The following RAI1 variants were observed in gnomAD, a reference collection of about 807,000 sequenced individuals.
RAI1 encodes retinoic acid induced 1.
RAI1 carries 9 observed loss-of-function variants against 123.8 expected under a neutral mutation model. The observed-to-expected ratio is 0.07, with a 90% confidence interval of 0.04 to 0.13. The LOEUF (loss-of-function observed/expected upper bound fraction) is 0.13. Ranked by LOEUF, RAI1 falls within the 10% of genes least tolerant of loss-of-function variation. The pLI, the probability that RAI1 is intolerant of heterozygous loss-of-function variation, is 1.00. For missense variants in RAI1, 2,256 were observed against 2,545.8 expected, an observed-to-expected ratio of 0.89 and a Z score of 2.45; for synonymous variants, 1,231 against 1,127.3, an observed-to-expected ratio of 1.09 and a Z score of -1.84.
At chr17:17,742,765 T>C (rs905227542) in intron 2 of RAI1, among the ~76,000 whole-genome samples, 1 of 152,138 alleles carries the variant, frequency 6.6e-6, no homozygotes, top group African/African-American at 2.4e-5. Context: ...CTGCATTTCT[T>C]ATCTGGTTTG....
rs145704270 is a variant in RAI1 at position 17,796,372 on chromosome 17, C to T, written c.3424C>T (p.Arg1142Cys). The T allele has an allele frequency of 2.5e-6, 4 of 1,613,572 alleles. No homozygotes were observed. The highest frequency in any genetic ancestry group is 2.7e-5 in the African/African-American group (2 of 74,942). ...ACCCAGCACGCCTGGCAAGGACCAG[C>T]GCTCCATGATCCTTCGGTCACGCAC... ...DSPSTPGKDQRSMILRSRTKT... is the reference protein window; with the variant it reads ...DSPSTPGKDQCSMILRSRTKT... Residue 1142 changes from arginine (R) to cysteine (C), a missense_variant, in exon 3 of 6, where the codon CGC becomes TGC. Arg to Cys is a radical substitution (Grantham distance 180). Transcript: ENST00000353383. This position sits in a 1 kb window ranked among gnomAD's most constrained non-coding sequence, Gnocchi z 5.8.
chr17:17,725,813 C>T (rs1916069736), intron 2 of RAI1, among the ~76,000 whole-genome samples: 1 of 152,046 alleles, frequency 6.6e-6, no homozygotes, highest in South Asian at 2.1e-4. Flanking sequence ...AATTCCTCTC[C>T]CTACTTAAAA....
At position 17,794,715 on chromosome 17, in the gene RAI1, G is replaced by T; in HGVS notation, c.1767G>T (p.Ala589=). Reference sequence around the variant, plus strand: ...TCGACAGCTTCTCCAAGTTCGTGGCGGGTGAGCGGGACTGTCCGCGGCTGC... The same window carrying T: ...TCGACAGCTTCTCCAAGTTCGTGGCTGGTGAGCGGGACTGTCCGCGGCTGC... ...LPLDSFSKFV[A]GERDCPRLLL... Residue 589 remains alanine (A), a synonymous_variant, in exon 3 of 6, where the codon GCG becomes GCT. Coordinates refer to ENST00000353383, the MANE Select transcript of RAI1 (RefSeq NM_030665.4). 3 of 1,611,588 alleles carry T rather than the reference G, an allele frequency of 1.9e-6. No homozygotes were observed. Among genetic ancestry groups the T allele is most frequent in the Non-Finnish European group, 2.5e-6 (3 of 1,180,028 alleles).
At chr17:17,750,032 A>G (rs557986523) in intron 2 of RAI1, among the ~76,000 whole-genome samples, 2 of 152,246 alleles carry the variant, frequency 1.3e-5, no homozygotes, top group African/African-American at 2.4e-5. Flanking sequence ...CCACATGGCA[A>G]TGTGGCCGGG....
rs551417779 is a variant in RAI1, at chr17:17,784,534, G to A, written c.-16-8399G>A. ...CATTAATCCCTCGGCAAAATGAGGG[G>A]GAGATTTGACCTAGAATGTGCTCTG... On this transcript the variant is annotated intron_variant, in intron 2 of 5. Transcript: ENST00000353383. Among the ~76,000 whole-genome samples the A allele has an allele frequency of 4.6e-5, 7 of 152,350 alleles. No individual in the cohort carries two copies. In the East Asian group the frequency reaches 7.7e-4, roughly 17 times the overall value.
chr17:17,766,389 A>G (rs1016680822), intron 2 of RAI1: 1 of 152,166 alleles, frequency 6.6e-6, no homozygotes, highest in African/African-American at 2.4e-5. Context: ...CAGGAAGAAG[A>G]AAAATGAGGC....
At position 17,795,541 on chromosome 17, in the gene RAI1, C is replaced by T; in HGVS notation, c.2593C>T (p.Leu865=). ...GCCACCCACCAGCAGGAAGGAGGAC[C>T]TGGAAGCTGAGGAGGAGTACTCCTC... ...LLPPTSRKED[L]EAEEEYSSLC... is the part of the protein sequence containing the mutation. Residue 865 remains leucine (L), a synonymous_variant, in exon 3 of 6, where the codon CTG becomes TTG. Coordinates refer to ENST00000353383, the MANE Select transcript of RAI1 (RefSeq NM_030665.4). This position sits in a 1 kb window ranked among gnomAD's most constrained non-coding sequence, Gnocchi z 5.9. 1.2e-6 allele frequency: 2 copies of T among 1,604,634 alleles called. No homozygotes were observed. The highest frequency in any genetic ancestry group is 1.7e-6 in the Non-Finnish European group (2 of 1,175,734).
intron 2 of RAI1, chr17:17,778,642 C>G: frequency 2.3e-6 from 1 of 435,498 alleles, no homozygotes; most frequent in Non-Finnish European, 4.7e-6. Context: ...GGAGCCCCAG[C>G]CCCTATGAGC....
chr17:17,758,173 G>A (rs930091922), intron 2 of RAI1, among the ~76,000 whole-genome samples: 2 of 152,218 alleles, frequency 1.3e-5, no homozygotes, highest in African/African-American at 4.8e-5. Flanking sequence ...CGGTGGTGGA[G>A]CTGCTGCTCC....
In RAI1 at chr17:17,795,489, C is replaced by T. The variant is rs761245891; in HGVS notation, c.2541C>T (p.Thr847=). The part of the protein sequence containing the change: ...WLEDSRHCCS[T]ADFGDLPLLP... ...AGGACAGCCGGCACTGCTGTTCCAC[C>T]GCCGACTTCGGGGACCTCCCACTGC... The change falls in exon 3 of 6, where the codon ACC becomes ACT. Residue 847 remains threonine, a synonymous_variant. Coordinates refer to ENST00000353383, the MANE Select transcript of RAI1 (RefSeq NM_030665.4). The surrounding 1 kb of genome is among the most constrained non-coding windows in gnomAD (Gnocchi z 5.9). 1.7e-5 allele frequency: 27 copies of T among 1,584,342 alleles called. No individual in the cohort carries two copies. The highest frequency in any genetic ancestry group is 4.0e-5 in the African/African-American group (3 of 74,426).
chr17:17,725,090 G>T (rs1185792062), intron 2 of RAI1, among the ~76,000 whole-genome samples: 1 of 151,498 alleles, frequency 6.6e-6, no homozygotes, highest in Non-Finnish European at 1.5e-5. Flanking sequence ...GGCTTGTTTT[G>T]GTTAGAGACG....
intron 2 of RAI1, among the ~76,000 whole-genome samples, chr17:17,747,681 GC>G (rs1021657921): frequency 1.7e-4 from 26 of 152,184 alleles, no homozygotes; most frequent in Non-Finnish European, 3.4e-4. Context: ...GTGCTTAGTC[GC>G]TTCTAGATGG....
intron 2 of RAI1, among the ~76,000 whole-genome samples, chr17:17,762,281 A>ACCCAGGAGGATGGCGT (rs1296048804): frequency 1.3e-5 from 2 of 152,086 alleles, no homozygotes; most frequent in Non-Finnish European, 2.9e-5. Context: ...ATTGGAGAAG[A>ACCCAGGAGGATGGCGT]CCCAGGAGGA....
chr17:17,762,077 C>T (rs1455494427), intron 2 of RAI1, among the ~76,000 whole-genome samples: 2 of 152,176 alleles, frequency 1.3e-5, no homozygotes, highest in Non-Finnish European at 2.9e-5. Context: ...ATCCATTGGG[C>T]ATGCGTGTGT....
Position 17,797,859 on chromosome 17 carries a change from G to A in RAI1, c.4911G>A (p.Ser1637=), listed in dbSNP as rs756222196. 43 of 1,613,718 alleles carry A rather than the reference G, an allele frequency of 2.7e-5. No individual in the cohort carries two copies. The highest frequency in any genetic ancestry group is 3.2e-5 in the Non-Finnish European group (38 of 1,179,994). The stretch of plus-strand genomic sequence containing the variant: ...CCTCTGCCTCCTCTTCCTCATCCTC[G>A]TCCTCGTTCTCCTTGGATGCAGCCG... ...PSSSASSSSS[S]SSFSLDAAGA... The change falls in exon 3 of 6, where the codon TCG becomes TCA. Residue 1637 remains serine (S), a synonymous_variant. Coordinates refer to ENST00000353383, the MANE Select transcript of RAI1 (RefSeq NM_030665.4).
chr17:17,766,844 C>T (rs1012648545), intron 2 of RAI1, among the ~76,000 whole-genome samples: 3 of 151,998 alleles, frequency 2.0e-5, no homozygotes, highest in African/African-American at 7.2e-5. Flanking sequence ...GAGAGCACTG[C>T]GGGTGCTGGA....
intron 2 of RAI1, among the ~76,000 whole-genome samples, chr17:17,772,606 C>T (rs1269153051): frequency 6.6e-6 from 1 of 152,252 alleles, no homozygotes; most frequent in African/African-American, 2.4e-5. Flanking sequence ...CCTGCATTCT[C>T]ACTACTATCT....
chr17:17,798,142 G>A lies in RAI1; in HGVS notation c.5194G>A (p.Ala1732Thr). 1 of 1,613,646 alleles carries A rather than the reference G, an allele frequency of 6.2e-7. No homozygotes were observed. The highest frequency in any genetic ancestry group is 8.5e-7 in the Non-Finnish European group (1 of 1,180,040). Residue 1732 changes from alanine to threonine, a missense_variant, in exon 3 of 6, where the codon GCC becomes ACC. Around this residue, in one of 7 missense-constraint regions of RAI1, gnomAD observed 243 missense variants for 316.6 expected, o/e 0.77. Transcript: ENST00000353383. ...GCGGCCAGAAGGCACCTGTGAGGAG[G>A]CCTCGCTGCCGCTTGAGAGAACACT... is the stretch of plus-strand genomic sequence containing the variant. ...KVRPEGTCEE[A>T]SLPLERTLKG...
intron 1 of RAI1, 44 bp downstream of exon 1, chr17:17,681,837 C>T (rs1352543692): frequency 3.1e-5 from 8 of 261,276 alleles, no homozygotes; most frequent in East Asian, 2.4e-4. Context: ...GTGTATCCTG[C>T]CCCGGGGCGG....
Sources: allele counts gnomAD v4.1 joint callset (sites outside exome capture counted in the v4.1 genomes callset), GRCh38; gene constraint gnomAD v4.1.1; regional missense constraint gnomAD v4.1.1; non-coding constraint Gnocchi (gnomAD v3.1); transcripts MANE v1.5; gene names NCBI Gene and HGNC (gene_info 2026-07-23, HGNC 2026-07-21).